The following CCAR2 variants were observed in gnomAD, a reference collection of about 807,000 sequenced individuals.
CCAR2 encodes the protein cell cycle and apoptosis regulator protein 2.
In CCAR2, 21 loss-of-function variants were observed where a neutral mutation model predicts 108.1. The ratio of observed to expected loss-of-function variants is 0.19; its 90% confidence interval spans 0.14 to 0.28. The LOEUF (loss-of-function observed/expected upper bound fraction) is 0.28, where lower values mean the gene tolerates loss of function less well. Among genes scored for constraint, CCAR2 ranks in the 10% least tolerant of loss-of-function variants. The pLI is 1.00. For synonymous variants in CCAR2, 577 were observed against 472.8 expected (o/e 1.22, Z -2.86); for missense variants, 1,126 against 1,177.0 (o/e 0.96, Z 0.63).
At chr8:22,607,516 G>A (rs1801122902) in intron 6 of CCAR2, among the ~76,000 whole-genome samples, 191 bp downstream of exon 6, 2 of 144,336 alleles carry the variant, frequency 1.4e-5, no homozygotes, top group Non-Finnish European at 3.0e-5. Flanking sequence ...TGCCCAGGCT[G>A]GAGTGCAATG....
Position 22,616,027 on chromosome 8 carries a change from G to C in CCAR2, c.1624G>C (p.Glu542Gln), listed in dbSNP as rs777938806. 1.2e-6 allele frequency: 2 copies of C among 1,613,932 alleles called. No individual in the cohort carries two copies. Among genetic ancestry groups the C allele is most frequent in the African/African-American group, 1.3e-5 (1 of 74,904 alleles). The change falls in exon 14 of 21, where the codon GAG (glutamate) becomes CAG (glutamine). Residue 542 changes from glutamate (E) to glutamine (Q), a missense_variant. Coordinates refer to ENST00000308511, the MANE Select transcript of CCAR2 (RefSeq NM_001393997.1). ...RISFEVMVLA[E>Q]LFLEMLQRDF... The stretch of plus-strand genomic sequence containing the variant: ...TCCCCATCAGGTGATGGTGCTGGCC[G>C]AGCTGTTTCTGGAGATGCTCCAGAG...
chr8:22,607,130 A>G, intron 5 of CCAR2, 66 bp from the exon 6 acceptor site: 6 of 1,609,578 alleles, frequency 3.7e-6, no homozygotes, highest in Non-Finnish European at 5.1e-6. Flanking sequence ...GTGGGACTGC[A>G]TCTTTCCAAG....
At chr8:22,608,527 T>A (rs1409687447) in intron 7 of CCAR2, among the ~76,000 whole-genome samples, 1 of 152,210 alleles carries the variant, frequency 6.6e-6, no homozygotes, top group Non-Finnish European at 1.5e-5. Context: ...GCACTCTGCC[T>A]GGGAGTTCAG....
At chr8:22,621,487 G>A (rs746437989), downstream of CCAR2, 18 of 1,613,942 alleles carry the variant, frequency 1.1e-5, no homozygotes, top group Middle Eastern at 1.6e-4. Context: ...TCCCGCTCCC[G>A]CTGCTCATCG....
intron 11 of CCAR2, 97 bp downstream of exon 11, chr8:22,615,098 C>G (rs1025042179): frequency 6.7e-5 from 94 of 1,398,510 alleles, no homozygotes; most frequent in Non-Finnish European, 8.4e-5. Flanking sequence ...CTGGTTAGCT[C>G]TCTGCCCCCT....
chr8:22,605,761 G>C lies in CCAR2; in HGVS notation c.-13G>C. On this transcript the variant is annotated 5_prime_UTR_variant, in exon 2 of 21. Coordinates refer to ENST00000308511, the MANE Select transcript of CCAR2 (RefSeq NM_001393997.1). ...CCTTTTCCCCACGACTCTGAAAGAGGACAGCGTTCCCAATGTCCCAGTTTA... is the reference window on the plus strand; with the variant it reads ...CCTTTTCCCCACGACTCTGAAAGAGCACAGCGTTCCCAATGTCCCAGTTTA... 1 of 1,613,214 alleles carries C rather than the reference G, an allele frequency of 6.2e-7. No individual in the cohort carries two copies. The highest frequency in any genetic ancestry group is 8.5e-7 in the Non-Finnish European group (1 of 1,179,358).
At chr8:22,615,286 T>C in intron 11 of CCAR2, 139 bp from the exon 12 acceptor site, 1 of 1,118,878 alleles carries the variant, frequency 8.9e-7, no homozygotes, top group Non-Finnish European at 1.3e-6. Flanking sequence ...GTCTGTAGCT[T>C]TCCTGTTGTG....
intron 18 of CCAR2, 26 bp downstream of exon 18, chr8:22,618,754 C>T (rs373076960): frequency 6.2e-7 from 1 of 1,613,720 alleles, no homozygotes; most frequent in Non-Finnish European, 8.5e-7. Context: ...CTGCAGCCTT[C>T]CTGGGGCACG....
intron 1 of CCAR2, 197 bp from the exon 2 acceptor site, chr8:22,605,539 G>A (rs868171257): frequency 2.1e-5 from 12 of 570,574 alleles, no homozygotes; most frequent in South Asian, 1.7e-4. Context: ...CTAGGTTATT[G>A]TCAGGGCAAA....
Position 22,619,840 on chromosome 8 carries a change from C to T in CCAR2, c.*158C>T, listed in dbSNP as rs1801693712. 2 of 735,394 alleles carry T rather than the reference C, an allele frequency of 2.7e-6. No individual in the cohort carries two copies. The highest frequency in any genetic ancestry group is 2.2e-5 in the Admixed American group (1 of 45,052). The allele number at this position is 735,394 out of a possible 1,614,324, so 45.6% of individuals were successfully genotyped here. On this transcript the variant is annotated 3_prime_UTR_variant, in exon 21 of 21. Transcript: ENST00000308511. ...CTCTAGGGGACGGCAGGCCATCAGG[C>T]TGGGGGCTGTGCTATGTGGGATGGA...
At position 22,617,500 on chromosome 8, in the gene CCAR2, C is replaced by G. The variant is rs561188685; in HGVS notation, c.1926C>G (p.Asp642Glu). 1.2e-6 allele frequency: 2 copies of G among 1,606,614 alleles called. No individual in the cohort carries two copies. Among genetic ancestry groups the G allele is most frequent in the Non-Finnish European group, 8.5e-7 (1 of 1,176,444 alleles). Residue 642 changes from aspartate (D) to glutamate (E), a missense_variant, in exon 15 of 21, where the codon GAC becomes GAG. By Grantham distance (45) the Asp-to-Glu change is conservative. Coordinates refer to ENST00000308511, the MANE Select transcript of CCAR2 (RefSeq NM_001393997.1). ...AACCCCGGGGCGAGGCTTCTGAGGA[C>G]CTGTGTGAGATGGCCCTGGACCCAG... Reference protein sequence around the residue: ...EEKPRGEASEDLCEMALDPEL... With the variant: ...EEKPRGEASEELCEMALDPEL...
rs1017175127 is a variant in CCAR2, at chr8:22,620,189, G to A, written c.*507G>A. The A allele has an allele frequency of 1.3e-5, 2 of 158,330 alleles. No individual in the cohort carries two copies. Among genetic ancestry groups the A allele is most frequent in the Non-Finnish European group, 2.8e-5 (2 of 71,338 alleles). The allele number at this position is 158,330 out of a possible 1,614,324, so 9.8% of individuals were successfully genotyped here. The stretch of plus-strand genomic sequence containing the variant: ...GGGAAGGGTCTCCCTTGGCCATCAC[G>A]GGAATGGAGTCCATGCTAGAAAGAG... On this transcript the variant is annotated 3_prime_UTR_variant, in exon 21 of 21. Transcript: ENST00000308511.
In CCAR2 at chr8:22,617,528, C is replaced by A; in HGVS notation, c.1954C>A (p.Leu652Met). Residue 652 changes from leucine to methionine, a missense_variant, in exon 15 of 21, where the codon CTG becomes ATG. Leu to Met is a conservative substitution (Grantham distance 15, BLOSUM62 2). Around this residue, in one of 4 missense-constraint regions of CCAR2, gnomAD observed 1,013 missense variants for 993.9 expected, o/e 1.02. Transcript: ENST00000308511. The part of the protein sequence containing the change: ...DLCEMALDPE[L>M]LLLRDDGEEE... ...GTGTGAGATGGCCCTGGACCCAGAACTGTTGCTTCTGAGGGATGATGGAGA... is the reference window on the plus strand; with the variant it reads ...GTGTGAGATGGCCCTGGACCCAGAAATGTTGCTTCTGAGGGATGATGGAGA... The A allele has an allele frequency of 6.2e-7, 1 of 1,602,454 alleles. No homozygotes were observed. Among genetic ancestry groups the A allele is most frequent in the Admixed American group, 1.7e-5 (1 of 58,128 alleles).
chr8:22,611,432 A>G lies in CCAR2; in HGVS notation c.585-1585A>G, dbSNP rs1000656101. Among the ~76,000 whole-genome samples the G allele has an allele frequency of 3.7e-4, 54 of 144,854 alleles. 1 individual carries two copies. The East Asian group carries it at 7.5e-3, about 20-fold the overall frequency. ...TGTGTGTGTATATATGTGTGTATATATGTGTGTGTGTATACATATGTGTGT... is the reference window on the plus strand; with the variant it reads ...TGTGTGTGTATATATGTGTGTATATGTGTGTGTGTGTATACATATGTGTGT... On this transcript the variant is annotated intron_variant, in intron 7 of 20. Transcript: ENST00000308511.
chr8:22,604,879 T>C (rs753710853), intron 1 of CCAR2, 37 bp downstream of exon 1: 4 of 440,276 alleles, frequency 9.1e-6, no homozygotes, highest in East Asian at 1.5e-4. Context: ...CTCTGCCCCT[T>C]CGCCCCTCCG....
chr8:22,614,332 TCTCA>T lies in CCAR2; in HGVS notation c.927+21_927+24del. The T allele has an allele frequency of 6.2e-7, 1 of 1,613,956 alleles. No homozygotes were observed. ...GTTCGAAGGTAAGCTGACAGGCGTC[TCTCA>T]CTTATCTGATTTCTGGAGGCTGAAG... is the stretch of plus-strand genomic sequence containing the variant. On this transcript the variant is annotated intron_variant, in intron 9 of 20. Transcript: ENST00000308511.
At chr8:22,609,772 A>G (rs1250279786) in intron 7 of CCAR2, among the ~76,000 whole-genome samples, 1 of 151,976 alleles carries the variant, frequency 6.6e-6, no homozygotes, top group Non-Finnish European at 1.5e-5. Context: ...CTTTACGGTT[A>G]ATTTCAGGCT....
intron 14 of CCAR2, among the ~76,000 whole-genome samples, chr8:22,616,984 C>T (rs1226281260): frequency 5.4e-5 from 7 of 128,700 alleles, no homozygotes; most frequent in Non-Finnish European, 9.5e-5. Context: ...CAGGTTCAAA[C>T]GATTCTCCTG....
At chr8:22,609,441 C>G (rs1352819240) in intron 7 of CCAR2, among the ~76,000 whole-genome samples, 1 of 152,178 alleles carries the variant, frequency 6.6e-6, no homozygotes, top group Non-Finnish European at 1.5e-5. Flanking sequence ...TGTGGGCCAC[C>G]ACGCCCGGCC....
Sources: allele counts gnomAD v4.1 joint callset (sites outside exome capture counted in the v4.1 genomes callset), GRCh38; gene constraint gnomAD v4.1.1; regional missense constraint gnomAD v4.1.1; transcripts MANE v1.5; gene names NCBI Gene and HGNC (gene_info 2026-07-23, HGNC 2026-07-21).